RALGAPA2: variants seen among roughly 807,000 people sequenced by gnomAD.
RALGAPA2 encodes the protein ral GTPase-activating protein subunit alpha-2.
RALGAPA2 carries 139 observed loss-of-function variants against 230.4 expected under a neutral mutation model. The observed-to-expected ratio is 0.60, with a 90% confidence interval of 0.53 to 0.69. The LOEUF (loss-of-function observed/expected upper bound fraction) is 0.69, where lower values mean the gene tolerates loss of function less well. Ranked by LOEUF, RALGAPA2 falls within the 30% of genes least tolerant of loss-of-function variation. The probability of loss-of-function intolerance (pLI) is 0.00; values close to 1 mark genes in which losing one functional copy is unlikely to be tolerated. For missense variants in RALGAPA2, 2,163 were observed against 2,276.0 expected (o/e 0.95, Z 1.01); for synonymous variants, 847 against 837.8 (o/e 1.01, Z -0.19).
chr20:20,581,186 T>C (rs981485579), intron 20 of RALGAPA2, among the ~76,000 whole-genome samples: 1 of 152,208 alleles, frequency 6.6e-6, no homozygotes, highest in Non-Finnish European at 1.5e-5. Context: ...CAGAGGTTTA[T>C]TAAATTGAGC....
intron 36 of RALGAPA2, among the ~76,000 whole-genome samples, chr20:20,481,272 T>C (rs990892646): frequency 6.6e-6 from 1 of 152,230 alleles, no homozygotes; most frequent in Non-Finnish European, 1.5e-5. Context: ...AATACCCATT[T>C]GATTTGTGGG....
intron 9 of RALGAPA2, among the ~76,000 whole-genome samples, chr20:20,631,079 A>G (rs892878111): frequency 4.6e-5 from 7 of 152,196 alleles, no homozygotes; most frequent in Non-Finnish European, 8.8e-5. Context: ...AGACCTAGCC[A>G]CTATCAGACC....
Position 20,393,086 on chromosome 20 carries a change from C to T in RALGAPA2, c.*203G>A. 1 of 1,348,512 alleles carries T rather than the reference C, an allele frequency of 7.4e-7. No homozygotes were observed. The allele number at this position is 1,348,512 out of a possible 1,614,324, so 83.5% of individuals were successfully genotyped here. Reference sequence around the variant, plus strand: ...ACACGGTAGTGGGATTCACCATGGGCTTCAGAAGTCCACTAATGGGAAGAC... The same window carrying T: ...ACACGGTAGTGGGATTCACCATGGGTTTCAGAAGTCCACTAATGGGAAGAC... On this transcript the variant is annotated 3_prime_UTR_variant, in exon 40 of 40. Coordinates refer to ENST00000202677, the MANE Select transcript of RALGAPA2 (RefSeq NM_020343.4).
intron 20 of RALGAPA2, among the ~76,000 whole-genome samples, chr20:20,573,660 GTT>G (rs1257869114): frequency 6.6e-6 from 1 of 152,032 alleles, no homozygotes; most frequent in Non-Finnish European, 1.5e-5. Flanking sequence ...TGTTCCTATA[GTT>G]TTGCCTTTTC....
chr20:20,677,772 T>C (rs1201914291), intron 2 of RALGAPA2, among the ~76,000 whole-genome samples: 1 of 150,418 alleles, frequency 6.6e-6, no homozygotes, highest in Non-Finnish European at 1.5e-5. Context: ...GCCTCCCAAG[T>C]AGCTGGGACT....
Position 20,524,446 on chromosome 20 carries a change from T to C in RALGAPA2, c.3860A>G (p.Gln1287Arg). Residue 1287 changes from glutamine (Q) to arginine (R), a missense_variant, in exon 30 of 40, where the codon CAG becomes CGG. By Grantham distance (43) the Gln-to-Arg change is conservative. Transcript: ENST00000202677. The part of the protein sequence containing the change: ...HPVSTAVLEE[Q>R]HSARAPLLDY... ...CAGCAAGGGGGCTCTGGCCGAATGC[T>C]GCTCCTCTAGGACTGCTGTGGACAC... The C allele has an allele frequency of 6.2e-7, 1 of 1,613,914 alleles. No homozygotes were observed. Among genetic ancestry groups the C allele is most frequent in the Non-Finnish European group, 8.5e-7 (1 of 1,179,850 alleles).
At chr20:20,423,417 C>T (rs2093213403) in intron 37 of RALGAPA2, among the ~76,000 whole-genome samples, 1 of 152,174 alleles carries the variant, frequency 6.6e-6, no homozygotes, top group African/African-American at 2.4e-5. Flanking sequence ...AAAGAACAGT[C>T]AAGGGATATG....
chr20:20,473,594 A>C (rs1164111663), intron 36 of RALGAPA2, among the ~76,000 whole-genome samples: 1 of 151,978 alleles, frequency 6.6e-6, no homozygotes, highest in Admixed American at 6.6e-5. Context: ...GCATCCTCCC[A>C]CCTCAGTCTC....
chr20:20,462,384 A>G (rs1211564399), intron 37 of RALGAPA2, among the ~76,000 whole-genome samples: 8 of 152,068 alleles, frequency 5.3e-5, no homozygotes, highest in African/African-American at 1.9e-4. Flanking sequence ...GTGCATCTGG[A>G]CTCCCTAGGG....
At chr20:20,513,510 C>T (rs79561997) in intron 31 of RALGAPA2, among the ~76,000 whole-genome samples, 2,158 of 152,210 alleles carry the variant, frequency 0.014, 53 homozygotes, top group African/African-American at 0.049. Context: ...AAGGATGTTC[C>T]AGATCTCAGG....
chr20:20,528,131 G>T (rs1028358699), intron 27 of RALGAPA2, among the ~76,000 whole-genome samples: 1 of 152,140 alleles, frequency 6.6e-6, no homozygotes, highest in African/African-American at 2.4e-5. Flanking sequence ...ACCAAGGTAG[G>T]AAAGGTCGGT....
In RALGAPA2 at chr20:20,526,256, G is replaced by T. The variant is rs774759459; in HGVS notation, c.3689C>A (p.Ala1230Glu). ...MFETSLPRKMAEILVATVAFL... is the reference protein window; with the variant it reads ...MFETSLPRKMEEILVATVAFL... ...ATTACAGAAAAAAAGACTTACTTCT[G>T]CCATTTTCCGAGGCAGAGAGGTTTC... Residue 1230 changes from alanine (A) to glutamate (E), a missense_variant, in exon 28 of 40, where the codon GCA (alanine) becomes GAA (glutamate). Physicochemically the swap from Ala to Glu is moderately radical, Grantham distance 107 (BLOSUM62 -1). Transcript: ENST00000202677. 7 of 1,581,626 alleles carry T rather than the reference G, an allele frequency of 4.4e-6. No homozygotes were observed. The highest frequency in any genetic ancestry group is 6.1e-6 in the Non-Finnish European group (7 of 1,155,460).
intron 1 of RALGAPA2, among the ~76,000 whole-genome samples, chr20:20,705,883 G>A (rs2069581989): frequency 6.6e-6 from 1 of 152,286 alleles, no homozygotes; most frequent in African/African-American, 2.4e-5. Context: ...TGGCCAGGCT[G>A]GCCTTCAACT....
intron 16 of RALGAPA2, among the ~76,000 whole-genome samples, chr20:20,601,121 G>GAAGAA (rs754233427): frequency 2.1e-4 from 32 of 151,892 alleles, no homozygotes; most frequent in Admixed American, 9.2e-4. Flanking sequence ...AAAGAGAAGA[G>GAAGAA]AAGAAAAGAA....
chr20:20,647,613 T>C (rs2067260278), intron 4 of RALGAPA2, among the ~76,000 whole-genome samples: 1 of 152,194 alleles, frequency 6.6e-6, no homozygotes, highest in African/African-American at 2.4e-5. Flanking sequence ...ACTGATTAAC[T>C]GGATTTCTTA....
intron 1 of RALGAPA2, among the ~76,000 whole-genome samples, chr20:20,711,044 T>C (rs898193881): frequency 2.6e-5 from 4 of 152,162 alleles, no homozygotes; most frequent in Non-Finnish European, 5.9e-5. Flanking sequence ...TCTCCACACT[T>C]CACTCTCAAA....
intron 1 of RALGAPA2, among the ~76,000 whole-genome samples, chr20:20,703,855 G>A (rs904029483): frequency 2.6e-5 from 4 of 152,160 alleles, no homozygotes; most frequent in African/African-American, 9.7e-5. Context: ...CATGTTCATT[G>A]AGTGGAAGGG....
At chr20:20,515,045 T>C (rs1304115459) in intron 31 of RALGAPA2, among the ~76,000 whole-genome samples, 1 of 152,218 alleles carries the variant, frequency 6.6e-6, no homozygotes, top group Non-Finnish European at 1.5e-5. Flanking sequence ...CTGTCCAGTC[T>C]GGCTCAACCC....
chr20:20,619,895 G>A (rs1465434510), intron 11 of RALGAPA2, among the ~76,000 whole-genome samples: 1 of 152,148 alleles, frequency 6.6e-6, no homozygotes, highest in Non-Finnish European at 1.5e-5. Flanking sequence ...TTTTGTTTCA[G>A]GAGATATTCC....
Sources: gnomAD v4.1 joint callset for allele counts (sites outside exome capture counted in the v4.1 genomes callset) on GRCh38, gnomAD v4.1.1 for gene constraint, MANE v1.5 for transcripts, NCBI Gene and HGNC (gene_info 2026-07-23, HGNC 2026-07-21) for gene names.